C8orf34: variants seen among roughly 807,000 people sequenced by gnomAD.
The protein encoded by C8orf34 is chromosome 8 open reading frame 34.
In C8orf34, 65 loss-of-function variants were observed where a neutral mutation model predicts 68.3. That is an observed-to-expected ratio of 0.95 (90% CI 0.78 to 1.17). C8orf34 has a LOEUF of 1.17. Among genes scored for constraint, C8orf34 ranks in the 50% most tolerant of loss-of-function variants. The pLI is 0.00. For missense variants in C8orf34, 664 were observed against 655.4 expected, an observed-to-expected ratio of 1.01 and a Z score of -0.14; for synonymous variants, 244 against 241.2, an observed-to-expected ratio of 1.01 and a Z score of -0.11.
At chr8:68,626,532 T>C (rs1267829101) in intron 7 of C8orf34, among the ~76,000 whole-genome samples, 4 of 152,198 alleles carry the variant, frequency 2.6e-5, no homozygotes, top group South Asian at 2.1e-4. Context: ...TTTTTTGAGT[T>C]AGCATATTAT....
At chr8:68,757,103 T>G (rs1822883645) in intron 10 of C8orf34, among the ~76,000 whole-genome samples, 1 of 152,226 alleles carries the variant, frequency 6.6e-6, no homozygotes, top group Admixed American at 6.5e-5. Flanking sequence ...TTGATTCCGT[T>G]TTAAAGTCTT....
intron 11 of C8orf34, among the ~76,000 whole-genome samples, chr8:68,783,562 G>A (rs895362677): frequency 2.0e-5 from 3 of 149,032 alleles, no homozygotes; most frequent in Admixed American, 6.7e-5. Flanking sequence ...CATATCTGAC[G>A]GCCTCCTTTG....
chr8:68,410,516 C>A (rs893975545), intron 1 of C8orf34, among the ~76,000 whole-genome samples: 1 of 152,014 alleles, frequency 6.6e-6, no homozygotes, highest in Admixed American at 6.6e-5. Context: ...ACTTGAGCAT[C>A]CTCAAACTGT....
intron 7 of C8orf34, among the ~76,000 whole-genome samples, chr8:68,569,940 C>T (rs978249468): frequency 7.9e-5 from 12 of 152,144 alleles, no homozygotes; most frequent in African/African-American, 2.7e-4. Context: ...GTGAAGTGAT[C>T]GATGAAGTCC....
rs528570627 is a variant in C8orf34, at chr8:68,763,351, C to CT, written c.1405-13044dup. On this transcript the variant is annotated intron_variant, in intron 10 of 13. Transcript: ENST00000518698. The stretch of plus-strand genomic sequence containing the variant: ...ATGATGCTGCCTTCCCTGGAGAGAG[C>CT]TTTTGACTTTTATTTCTTCTCAAAA... 3.3e-3 allele frequency among the ~76,000 whole-genome samples: 504 copies of CT among 152,182 alleles called. 5 individuals carry two copies. Among genetic ancestry groups the CT allele is most frequent in the African/African-American group, 0.012 (482 of 41,524 alleles).
intron 10 of C8orf34, among the ~76,000 whole-genome samples, chr8:68,766,685 T>C (rs1267757738): frequency 6.6e-6 from 1 of 152,162 alleles, no homozygotes; most frequent in Non-Finnish European, 1.5e-5. Context: ...CAAATGGAGA[T>C]TTGTAAAATT....
At chr8:68,763,759 A>G (rs1823090165) in intron 10 of C8orf34, among the ~76,000 whole-genome samples, 1 of 152,174 alleles carries the variant, frequency 6.6e-6, no homozygotes, top group African/African-American at 2.4e-5. Context: ...AATAATCCTC[A>G]TTCATTCAAG....
chr8:68,651,232 T>C (rs1819348750), intron 8 of C8orf34, among the ~76,000 whole-genome samples: 1 of 152,124 alleles, frequency 6.6e-6, no homozygotes, highest in Non-Finnish European at 1.5e-5. Flanking sequence ...GTGAAGGAAA[T>C]GGATGATGTG....
intron 8 of C8orf34, among the ~76,000 whole-genome samples, chr8:68,698,569 C>T (rs1180042871): frequency 6.6e-6 from 1 of 152,038 alleles, no homozygotes; most frequent in East Asian, 1.9e-4. Context: ...GTGAGGCAGC[C>T]TTCAGTTTCA....
In C8orf34 at chr8:68,776,396, T is replaced by C. The variant is rs1287716819; in HGVS notation, c.1405-3T>C. 1.2e-6 allele frequency: 2 copies of C among 1,611,604 alleles called. No individual in the cohort carries two copies. The highest frequency in any genetic ancestry group is 1.7e-6 in the Non-Finnish European group (2 of 1,177,904). ...TTCAACCTCTCTTCCTCTTTACTTCTAGGGAGAAGCCTCCAGTGGAGTAGG... is the reference window on the plus strand; with the variant it reads ...TTCAACCTCTCTTCCTCTTTACTTCCAGGGAGAAGCCTCCAGTGGAGTAGG... On this transcript the variant is annotated splice_region_variant and splice_polypyrimidine_tract_variant and intron_variant, in intron 10 of 13. Coordinates refer to ENST00000518698, the MANE Select transcript of C8orf34 (RefSeq NM_052958.4).
At chr8:68,350,998 A>G (rs1444310072) in intron 1 of C8orf34, among the ~76,000 whole-genome samples, 1 of 151,694 alleles carries the variant, frequency 6.6e-6, no homozygotes, top group Non-Finnish European at 1.5e-5. Flanking sequence ...TGATTCTGTC[A>G]TTTTTCTGTT....
intron 1 of C8orf34, among the ~76,000 whole-genome samples, chr8:68,339,799 T>C (rs1371418829): frequency 1.3e-5 from 2 of 152,012 alleles, no homozygotes; most frequent in African/African-American, 4.8e-5. Flanking sequence ...AATGGACTTA[T>C]TTAAAATTAA....
intron 1 of C8orf34, among the ~76,000 whole-genome samples, chr8:68,416,042 T>C (rs1809651460): frequency 6.6e-6 from 1 of 152,192 alleles, no homozygotes; most frequent in Admixed American, 6.5e-5. Flanking sequence ...AAAAAATGTA[T>C]TGAAAGCACC....
intron 7 of C8orf34, among the ~76,000 whole-genome samples, chr8:68,541,058 A>G (rs893824864): frequency 4.6e-5 from 7 of 152,190 alleles, no homozygotes; most frequent in African/African-American, 1.4e-4. Flanking sequence ...TTTTCCTTCA[A>G]GTATCAGTCC....
chr8:68,741,945 A>C (rs1345154297), intron 10 of C8orf34, among the ~76,000 whole-genome samples: 1 of 152,174 alleles, frequency 6.6e-6, no homozygotes, highest in Non-Finnish European at 1.5e-5. Context: ...TTTTGACATG[A>C]CATAACCAAT....
At chr8:68,344,148 TA>T (rs1314104518) in intron 1 of C8orf34, among the ~76,000 whole-genome samples, 2 of 151,988 alleles carry the variant, frequency 1.3e-5, no homozygotes, top group African/African-American at 4.8e-5. Flanking sequence ...TTTACAGTAG[TA>T]AAAAAACTAG....
chr8:68,332,349 G>GAGCCCGC (rs1805653081), intron 1 of C8orf34, among the ~76,000 whole-genome samples: 1 of 151,992 alleles, frequency 6.6e-6, no homozygotes, highest in African/African-American at 2.4e-5. Flanking sequence ...GGGTCGAGGT[G>GAGCCCGC]CTCCCGCCTT....
At chr8:68,730,414 T>C (rs1045081394) in intron 10 of C8orf34, among the ~76,000 whole-genome samples, 2 of 152,148 alleles carry the variant, frequency 1.3e-5, no homozygotes, top group African/African-American at 4.8e-5. Flanking sequence ...TTAAGTGCCA[T>C]AGTAGGCAAG....
At chr8:68,565,760 A>G (rs982575613) in intron 7 of C8orf34, among the ~76,000 whole-genome samples, 5 of 152,292 alleles carry the variant, frequency 3.3e-5, no homozygotes, top group African/African-American at 1.2e-4. Flanking sequence ...ACCTCTAAAT[A>G]GAATGTTTGA....
Sources: allele counts gnomAD v4.1 joint callset (sites outside exome capture counted in the v4.1 genomes callset), GRCh38; gene constraint gnomAD v4.1.1; transcripts MANE v1.5; gene names NCBI Gene and HGNC (gene_info 2026-07-23, HGNC 2026-07-21).